The following TSPAN2 variants were observed in gnomAD, a reference collection of about 807,000 sequenced individuals.
TSPAN2 encodes tetraspanin 2, also known as tetraspanin-2.
TSPAN2 carries 24 observed loss-of-function variants against 33.3 expected under a neutral mutation model. That is an observed-to-expected ratio of 0.72 (90% CI 0.52 to 1.01). TSPAN2 has a LOEUF of 1.01. Ranked by LOEUF, TSPAN2 falls within the 50% of genes least tolerant of loss-of-function variation. TSPAN2 has a pLI of 0.00. For synonymous variants in TSPAN2, 114 were observed against 104.5 expected, an observed-to-expected ratio of 1.09 and a Z score of -0.56; for missense variants, 278 against 281.3, an observed-to-expected ratio of 0.99 and a Z score of 0.08.
intron 1 of TSPAN2, among the ~76,000 whole-genome samples, chr1:115,079,764 AG>A (rs1296036549): frequency 2.0e-5 from 3 of 152,200 alleles, no homozygotes; most frequent in African/African-American, 7.2e-5. Context: ...AATGCATGGC[AG>A]CTCCTTTAGG....
chr1:115,070,571 C>T (rs1477235183), intron 2 of TSPAN2, among the ~76,000 whole-genome samples: 1 of 151,886 alleles, frequency 6.6e-6, no homozygotes, highest in Admixed American at 6.6e-5. Context: ...CTACTGCCCA[C>T]CATGCCCTAG....
chr1:115,048,440 A>C lies in TSPAN2; in HGVS notation c.*2050T>G, dbSNP rs1675221196. 6.6e-6 allele frequency: 1 copy of C among 151,842 alleles called. No individual in the cohort carries two copies. Among genetic ancestry groups the C allele is most frequent in the African/African-American group, 2.4e-5 (1 of 41,408 alleles). 9.4% of individuals were successfully genotyped at this position (151,842 alleles called of 1,614,324 possible). On this transcript the variant is annotated 3_prime_UTR_variant, in exon 8 of 8. Coordinates refer to ENST00000369516, the MANE Select transcript of TSPAN2 (RefSeq NM_005725.6). ...CGCATATTTTGGAAAGCTTATCTCCAAAAGGGGCACATTAATCGTACATGG... is the reference window on the plus strand; with the variant it reads ...CGCATATTTTGGAAAGCTTATCTCCCAAAGGGGCACATTAATCGTACATGG...
At chr1:115,066,921 A>T (rs1381346480) in intron 2 of TSPAN2, among the ~76,000 whole-genome samples, 1 of 152,220 alleles carries the variant, frequency 6.6e-6, no homozygotes. Flanking sequence ...GAGTCAGGAT[A>T]GTGCTCAAAA....
intron 1 of TSPAN2, among the ~76,000 whole-genome samples, chr1:115,079,746 A>T (rs1445113404): frequency 1.3e-5 from 2 of 152,214 alleles, no homozygotes; most frequent in Admixed American, 1.3e-4. Context: ...AGGCTGTGTT[A>T]GTCTGGAAAT....
In TSPAN2 at chr1:115,049,824, A is replaced by T. The variant is rs950480559; in HGVS notation, c.*666T>A. 1 of 152,614 alleles carries T rather than the reference A, an allele frequency of 6.6e-6. No individual in the cohort carries two copies. The highest frequency in any genetic ancestry group is 1.5e-5 in the Non-Finnish European group (1 of 68,022). 9.5% of individuals were successfully genotyped at this position (152,614 alleles called of 1,614,324 possible). A position where few individuals can be genotyped will look rare whatever the true frequency, so the allele number is the denominator to read the frequency against. On this transcript the variant is annotated 3_prime_UTR_variant, in exon 8 of 8. Coordinates refer to ENST00000369516, the MANE Select transcript of TSPAN2 (RefSeq NM_005725.6). Reference sequence around the variant, plus strand: ...TCTGTGTGACTTCTCTTTCCAGAGGAAGACTTTTTTATTTTTAAATTCTAG... The same window carrying T: ...TCTGTGTGACTTCTCTTTCCAGAGGTAGACTTTTTTATTTTTAAATTCTAG...
At position 115,086,831 on chromosome 1, in the gene TSPAN2, G is replaced by C. The variant is rs1252380146; in HGVS notation, c.69+2533C>G. Among the ~76,000 whole-genome samples the C allele has an allele frequency of 5.3e-5, 8 of 152,316 alleles. No individual in the cohort carries two copies. In the East Asian group the frequency reaches 1.4e-3, roughly 26 times the overall value. On this transcript the variant is annotated intron_variant, in intron 1 of 7. Transcript: ENST00000369516. ...AAATTTGAGCATGGATCAGAATTAT[G>C]TGAATGGCTTGTTAAATTAGATTGC...
intron 7 of TSPAN2, 78 bp downstream of exon 7, chr1:115,053,301 C>G: frequency 7.8e-7 from 1 of 1,282,752 alleles, no homozygotes; most frequent in Non-Finnish European, 1.1e-6. Context: ...AAGATACTAT[C>G]ACACTTGAAA....
chr1:115,071,175 A>T (rs1424066477), intron 2 of TSPAN2, among the ~76,000 whole-genome samples: 2 of 152,164 alleles, frequency 1.3e-5, no homozygotes, highest in Admixed American at 1.3e-4. Context: ...TGAGGGTGTG[A>T]ATATCAATTA....
At chr1:115,063,000 G>A (rs1422376185) in intron 2 of TSPAN2, among the ~76,000 whole-genome samples, 1 of 152,156 alleles carries the variant, frequency 6.6e-6, no homozygotes, top group Non-Finnish European at 1.5e-5. Flanking sequence ...GCAGTCCTGA[G>A]GTGGGTATTT....
At chr1:115,086,943 G>A (rs6537855) in intron 1 of TSPAN2, among the ~76,000 whole-genome samples, 113,823 of 151,834 alleles carry the variant, frequency 0.75, 43,241 homozygotes, top group East Asian at 0.95. Flanking sequence ...TTGAGATGGA[G>A]TTTCGCTCTT....
intron 2 of TSPAN2, among the ~76,000 whole-genome samples, chr1:115,063,171 C>T (rs1228369782): frequency 6.6e-6 from 1 of 152,128 alleles, no homozygotes; most frequent in Non-Finnish European, 1.5e-5. Flanking sequence ...TTAAAAATGT[C>T]TTTCACCAAA....
In TSPAN2 at chr1:115,050,523, G is replaced by A. The variant is rs1425268209; in HGVS notation, c.633C>T (p.Cys211=). The A allele has an allele frequency of 2.5e-6, 4 of 1,613,992 alleles. No individual in the cohort carries two copies. Among genetic ancestry groups the A allele is most frequent in the Non-Finnish European group, 2.5e-6 (3 of 1,179,946 alleles). Residue 211 remains cysteine (C), a synonymous_variant, in exon 8 of 8, where the codon TGC becomes TGT. Coordinates refer to ENST00000369516, the MANE Select transcript of TSPAN2 (RefSeq NM_005725.6). ...CATCTCGTGAGTTTCGTATCGCACA[G>A]CAGAGGACCATGCTGAATATCATGC... ...IFGMIFSMVL[C]CAIRNSRDVI
intron 1 of TSPAN2, among the ~76,000 whole-genome samples, chr1:115,082,224 G>C (rs1371963880): frequency 6.6e-6 from 1 of 152,198 alleles, no homozygotes; most frequent in Non-Finnish European, 1.5e-5. Flanking sequence ...AGCTACATGT[G>C]ATCAGTAGCA....
intron 2 of TSPAN2, among the ~76,000 whole-genome samples, chr1:115,071,855 G>A (rs1015769573): frequency 9.9e-5 from 15 of 152,196 alleles, no homozygotes; most frequent in African/African-American, 3.6e-4. Flanking sequence ...CTGCAGGCTG[G>A]CCCTTCGGGA....
rs1237242649 is a variant in TSPAN2, at chr1:115,062,237, G to C, written c.173-5C>G. ...CTCCAACCAGAACATACAGCCCTGT[G>C]GGGAAGAGGTCAGAGGAGACCACTG... On this transcript the variant is annotated splice_polypyrimidine_tract_variant and splice_region_variant and intron_variant, in intron 2 of 7. Transcript: ENST00000369516. 2 of 1,578,616 alleles carry C rather than the reference G, an allele frequency of 1.3e-6. No individual in the cohort carries two copies. The highest frequency in any genetic ancestry group is 1.7e-6 in the Non-Finnish European group (2 of 1,161,540).
chr1:115,062,977 GC>G (rs1477926405), intron 2 of TSPAN2, among the ~76,000 whole-genome samples: 1 of 152,182 alleles, frequency 6.6e-6, no homozygotes, highest in Non-Finnish European at 1.5e-5. Flanking sequence ...GGGCCCTGAG[GC>G]CTTGCTGCTC....
chr1:115,062,149 A>G lies in TSPAN2; in HGVS notation c.256T>C (p.Cys86Arg), dbSNP rs780972031. The part of the protein sequence containing the change: ...GCCGAMRESQ[C>R]VLGSFFTCLL... ...GCCCCACTTACTGATCCAAGCACAC[A>G]TTGCGACTCCCGCATGGCTCCGCAG... Residue 86 changes from cysteine to arginine, a missense_variant, in exon 3 of 8, where the codon TGT (cysteine) becomes CGT (arginine). Coordinates refer to ENST00000369516, the MANE Select transcript of TSPAN2 (RefSeq NM_005725.6). 1.6e-5 allele frequency: 25 copies of G among 1,592,748 alleles called. No homozygotes were observed. The East Asian group carries it at 5.5e-4, about 35-fold the overall frequency.
intron 1 of TSPAN2, among the ~76,000 whole-genome samples, chr1:115,075,636 A>C (rs1648375143): frequency 6.6e-6 from 1 of 152,170 alleles, no homozygotes; most frequent in South Asian, 2.1e-4. Context: ...AGTGTCACTA[A>C]GTTCTCAACA....
intron 2 of TSPAN2, among the ~76,000 whole-genome samples, chr1:115,062,926 G>C (rs922657017): frequency 6.6e-6 from 1 of 152,152 alleles, no homozygotes; most frequent in East Asian, 1.9e-4. Flanking sequence ...AGGCTGCTCT[G>C]CTTCCTGCCC....
Sources: allele counts gnomAD v4.1 joint callset (sites outside exome capture counted in the v4.1 genomes callset), GRCh38; gene constraint gnomAD v4.1.1; transcripts MANE v1.5; gene names NCBI Gene and HGNC (gene_info 2026-07-23, HGNC 2026-07-21).